Variants in ZMYND11 observed in about 807,000 individuals in gnomAD.
ZMYND11 encodes the protein zinc finger MYND-type containing 11.
A neutral mutation model predicts 84.9 loss-of-function variants in ZMYND11; 9 were observed. The observed-to-expected ratio is 0.11, with a 90% CI of 0.06 to 0.18. The LOEUF (loss-of-function observed/expected upper bound fraction) is 0.18. ZMYND11 is among the 10% of genes least tolerant of loss of function. The pLI is 1.00. For synonymous variants in ZMYND11, 250 were observed against 244.1 expected (o/e 1.02, Z -0.23); for missense variants, 409 against 761.0 (o/e 0.54, Z 5.44).
At chr10:149,133 G>A (rs568796905) in intron 1 of ZMYND11, among the ~76,000 whole-genome samples, 9 of 151,814 alleles carry the variant, frequency 5.9e-5, no homozygotes, top group Non-Finnish European at 1.3e-4. Flanking sequence ...TGAAAAATAC[G>A]AATTTTCTAA....
chr10:138,619 G>C (rs561472491), intron 1 of ZMYND11, among the ~76,000 whole-genome samples: 20 of 152,214 alleles, frequency 1.3e-4, no homozygotes, highest in African/African-American at 4.1e-4. Context: ...TGCTATAAAA[G>C]TATCAAATGT....
At chr10:136,969 C>T (rs1173176682) in intron 1 of ZMYND11, among the ~76,000 whole-genome samples, 6 of 152,018 alleles carry the variant, frequency 3.9e-5, no homozygotes, top group African/African-American at 1.5e-4. Flanking sequence ...ATATACACTA[C>T]CTGGTGTTAT....
intron 1 of ZMYND11, among the ~76,000 whole-genome samples, chr10:138,213 G>A (rs905102519): frequency 1.9e-4 from 27 of 144,650 alleles, no homozygotes; most frequent in African/African-American, 7.0e-4. Context: ...AGGCTTAAGC[G>A]ATTCTCATGC....
intron 10 of ZMYND11, 149 bp downstream of exon 10, chr10:242,288 A>AATTGTTTCCAGATATTTTT (rs1951133919): frequency 7.8e-7 from 1 of 1,287,566 alleles, no homozygotes; most frequent in Non-Finnish European, 1.1e-6. Flanking sequence ...TTCCAAGATA[A>AATTGTTTCCAGATATTTTT]ATTGTTTCCA....
At chr10:247,308 C>G (rs1952349889) in intron 11 of ZMYND11, 90 bp from the exon 12 acceptor site, 8 of 1,378,396 alleles carry the variant, frequency 5.8e-6, no homozygotes, top group Non-Finnish European at 8.2e-6. Context: ...AATGTATTCA[C>G]TTCTCACCTG....
At chr10:153,886 C>T (rs1229780618) in intron 1 of ZMYND11, among the ~76,000 whole-genome samples, 2 of 152,248 alleles carry the variant, frequency 1.3e-5, no homozygotes, top group Non-Finnish European at 2.9e-5. Flanking sequence ...TTTGCAGCCT[C>T]CTGATCTGCA....
At chr10:243,450 A>G (rs1342470570) in intron 10 of ZMYND11, among the ~76,000 whole-genome samples, 4 of 152,222 alleles carry the variant, frequency 2.6e-5, no homozygotes, top group South Asian at 2.1e-4. Flanking sequence ...TTTTATCTAT[A>G]TATTTTTCTT....
chr10:173,189 A>G (rs1554766101), intron 1 of ZMYND11, among the ~76,000 whole-genome samples: 1 of 152,238 alleles, frequency 6.6e-6, no homozygotes, highest in Admixed American at 6.5e-5. Flanking sequence ...TTGTGTGGTG[A>G]TAATATTTTA....
At chr10:189,336 A>G (rs1451804788) in intron 2 of ZMYND11, among the ~76,000 whole-genome samples, 2 of 152,230 alleles carry the variant, frequency 1.3e-5, no homozygotes, top group Non-Finnish European at 2.9e-5. Context: ...AAATTTTGCT[A>G]TGTCTCACTG....
At chr10:174,163 T>C (rs1564316347) in intron 1 of ZMYND11, among the ~76,000 whole-genome samples, 2 of 152,014 alleles carry the variant, frequency 1.3e-5, no homozygotes, top group Admixed American at 1.3e-4. Context: ...TTTCCTCGAG[T>C]AGGTGAATGG....
intron 2 of ZMYND11, among the ~76,000 whole-genome samples, chr10:190,390 C>T (rs940035145): frequency 6.6e-6 from 1 of 152,140 alleles, no homozygotes; most frequent in African/African-American, 2.4e-5. Flanking sequence ...TCTGCACACC[C>T]TCCTGCAACT....
Position 163,784 on chromosome 10 carries a change from A to G in ZMYND11, c.-19-16210A>G, listed in dbSNP as rs139446042. ...CTGTCTGTTCACATTTAAGGGTGAGACACTAGAAAGCTAGTGTGAACAGTT... is the reference window on the plus strand; with the variant it reads ...CTGTCTGTTCACATTTAAGGGTGAGGCACTAGAAAGCTAGTGTGAACAGTT... On this transcript the variant is annotated intron_variant, in intron 1 of 14. Transcript: ENST00000381604. 2.1e-3 allele frequency among the ~76,000 whole-genome samples: 323 copies of G among 152,152 alleles called. 2 individuals are homozygous for G. The highest frequency in any genetic ancestry group is 6.7e-3 in the African/African-American group (277 of 41,516).
chr10:182,628 CA>C (rs1848118567), intron 2 of ZMYND11, among the ~76,000 whole-genome samples: 1 of 152,196 alleles, frequency 6.6e-6, no homozygotes, highest in African/African-American at 2.4e-5. Context: ...CACATCAGAG[CA>C]TCCTGTACTT....
intron 7 of ZMYND11, 115 bp downstream of exon 7, chr10:239,640 C>G: frequency 1.2e-6 from 1 of 805,836 alleles, no homozygotes; most frequent in South Asian, 1.8e-5. Context: ...TAATGATCTA[C>G]AAGTTTAGAG....
At chr10:160,245 G>C (rs116037869) in intron 1 of ZMYND11, among the ~76,000 whole-genome samples, 6,449 of 152,244 alleles carry the variant, frequency 0.042, 166 homozygotes, top group African/African-American at 0.053. Flanking sequence ...TAAAAGTTAT[G>C]TTTACACTTT....
At chr10:165,950 C>G (rs1415656142) in intron 1 of ZMYND11, among the ~76,000 whole-genome samples, 1 of 151,934 alleles carries the variant, frequency 6.6e-6, no homozygotes, top group African/African-American at 2.4e-5. Context: ...AGAAATAAAC[C>G]CATACATCTA....
chr10:197,469 T>C (rs1942092630), intron 2 of ZMYND11, among the ~76,000 whole-genome samples: 1 of 152,192 alleles, frequency 6.6e-6, no homozygotes, highest in Admixed American at 6.5e-5. Context: ...GTATATGAAA[T>C]AGAGCCACAA....
chr10:193,724 T>C (rs999978219), intron 2 of ZMYND11, among the ~76,000 whole-genome samples: 2 of 152,218 alleles, frequency 1.3e-5, no homozygotes, highest in Non-Finnish European at 2.9e-5. Context: ...CAAAAGTTCT[T>C]TGTACTCCTT....
rs952756175 is a variant in ZMYND11 at position 254,430 on chromosome 10, T to C, written c.*1960T>C. On this transcript the variant is annotated 3_prime_UTR_variant, in exon 15 of 15. Coordinates refer to ENST00000381604, the MANE Select transcript of ZMYND11 (RefSeq NM_001370100.5). ...AAGTTTTAGGTAAAATTACAATTGA[T>C]TGTTTTAGGAATCATTATTAAAAAT... 1.3e-5 allele frequency: 2 copies of C among 152,630 alleles called. No individual in the cohort carries two copies. Among genetic ancestry groups the C allele is most frequent in the African/African-American group, 4.8e-5 (2 of 41,450 alleles). The allele number at this position is 152,630 out of a possible 1,614,324, so 9.5% of individuals were successfully genotyped here. A position where few individuals can be genotyped will look rare whatever the true frequency, so the allele number is the denominator to read the frequency against.
Sources: allele counts gnomAD v4.1 joint callset (sites outside exome capture counted in the v4.1 genomes callset), GRCh38; gene constraint gnomAD v4.1.1; transcripts MANE v1.5; gene names NCBI Gene and HGNC (gene_info 2026-07-23, HGNC 2026-07-21).